Variants in MEIS1 observed in about 807,000 individuals in gnomAD.
MEIS1 encodes the protein Meis homeobox 1.
A neutral mutation model predicts 50.8 loss-of-function variants in MEIS1; 5 were observed. That is an observed-to-expected ratio of 0.10 (90% CI 0.05 to 0.21). The LOEUF (loss-of-function observed/expected upper bound fraction) is 0.21, where lower values mean the gene tolerates loss of function less well. Ranked by LOEUF, MEIS1 falls within the 10% of genes least tolerant of loss-of-function variation. The pLI is 1.00. For synonymous variants in MEIS1, 176 were observed against 179.3 expected (o/e 0.98, Z 0.15); for missense variants, 318 against 517.3 (o/e 0.61, Z 3.74).
intron 8 of MEIS1, 73 bp from the exon 9 acceptor site, chr2:66,547,870 T>G: frequency 4.2e-6 from 6 of 1,434,152 alleles, no homozygotes; most frequent in Middle Eastern, 1.8e-4. Flanking sequence ...ATAGACTTCA[T>G]GAGACACTTA....
rs544534853 is a variant in MEIS1, at chr2:66,435,431, G to A, written c.-426G>A. On this transcript the variant is annotated 5_prime_UTR_variant, in exon 1 of 13. Coordinates refer to ENST00000272369, the MANE Select transcript of MEIS1 (RefSeq NM_002398.3). Reference sequence around the variant, plus strand: ...GGTGTTCTGACCAGAAGAAGACAGAGCGGATGATCATTCATTCACCACGTT... The same window carrying A: ...GGTGTTCTGACCAGAAGAAGACAGAACGGATGATCATTCATTCACCACGTT... 6.9e-6 allele frequency: 2 copies of A among 290,274 alleles called. No individual in the cohort carries two copies. The highest frequency in any genetic ancestry group is 1.3e-5 in the Non-Finnish European group (2 of 159,878). 18.0% of individuals were successfully genotyped at this position (290,274 alleles called of 1,614,324 possible). A position where few individuals can be genotyped will look rare whatever the true frequency, so the allele number is the denominator to read the frequency against.
At chr2:66,449,400 G>A (rs1363935459) in intron 6 of MEIS1, among the ~76,000 whole-genome samples, 1 of 152,050 alleles carries the variant, frequency 6.6e-6, no homozygotes, top group Admixed American at 6.6e-5. Context: ...TAAACCATGG[G>A]TGTCTAAAAT....
chr2:66,523,602 G>A (rs751226074), intron 8 of MEIS1, among the ~76,000 whole-genome samples: 2 of 152,178 alleles, frequency 1.3e-5, no homozygotes, highest in Non-Finnish European at 2.9e-5. Context: ...AAGTGAATAT[G>A]CTCAACAGCA....
At chr2:66,514,708 C>T (rs1220816604) in intron 8 of MEIS1, among the ~76,000 whole-genome samples, 1 of 152,154 alleles carries the variant, frequency 6.6e-6, no homozygotes, top group Non-Finnish European at 1.5e-5. Flanking sequence ...CTTATAACAT[C>T]ATCTGAAGAG....
chr2:66,518,032 C>G (rs564546746), intron 8 of MEIS1, among the ~76,000 whole-genome samples: 1 of 152,266 alleles, frequency 6.6e-6, no homozygotes, highest in South Asian at 2.1e-4. Context: ...CATTAGTGAC[C>G]TGGCAAAGCT....
intron 7 of MEIS1, among the ~76,000 whole-genome samples, chr2:66,501,452 T>TA (rs575839058): frequency 1.0e-3 from 153 of 148,312 alleles, no homozygotes; most frequent in African/African-American, 1.4e-3. Context: ...CATTTAGTTG[T>TA]AAAAAAAAAA....
At chr2:66,542,416 T>C (rs921655024) in intron 8 of MEIS1, among the ~76,000 whole-genome samples, 2 of 152,228 alleles carry the variant, frequency 1.3e-5, no homozygotes, top group Non-Finnish European at 2.9e-5. Flanking sequence ...AAAGAAGTTC[T>C]GAAATTGTTC....
chr2:66,442,715 T>C, intron 5 of MEIS1, 187 bp from the exon 6 acceptor site: 1 of 538,288 alleles, frequency 1.9e-6, no homozygotes, highest in Non-Finnish European at 3.2e-6. Context: ...TTCTGGGATA[T>C]CTCTATTTTG....
intron 7 of MEIS1, among the ~76,000 whole-genome samples, chr2:66,502,614 G>A (rs547818276): frequency 5.3e-5 from 8 of 152,270 alleles, no homozygotes; most frequent in Admixed American, 1.3e-4. Context: ...GTTGGGAGAC[G>A]AAGAGGGTCA....
intron 6 of MEIS1, among the ~76,000 whole-genome samples, chr2:66,448,302 A>G (rs1185697933): frequency 1.3e-5 from 2 of 152,198 alleles, no homozygotes; most frequent in Non-Finnish European, 2.9e-5. Flanking sequence ...GTCCCAAAAG[A>G]TTTAAAACAC....
intron 8 of MEIS1, among the ~76,000 whole-genome samples, chr2:66,514,840 T>A (rs867079741): frequency 6.6e-5 from 10 of 152,208 alleles, no homozygotes; most frequent in Admixed American, 5.9e-4. Flanking sequence ...CCCGTTACCC[T>A]TGTTTTGTAA....
At chr2:66,534,886 A>G (rs933309723) in intron 8 of MEIS1, among the ~76,000 whole-genome samples, 2 of 152,256 alleles carry the variant, frequency 1.3e-5, no homozygotes, top group African/African-American at 4.8e-5. Context: ...TCACTATTTA[A>G]GACTTTTTGG....
chr2:66,555,572 A>G (rs1245184200), intron 9 of MEIS1, among the ~76,000 whole-genome samples: 1 of 152,178 alleles, frequency 6.6e-6, no homozygotes, highest in Non-Finnish European at 1.5e-5. Flanking sequence ...GTTTAGGTCT[A>G]TTCTTGTCAA....
intron 7 of MEIS1, among the ~76,000 whole-genome samples, chr2:66,479,852 G>A (rs905174368): frequency 1.3e-5 from 2 of 152,088 alleles, no homozygotes; most frequent in East Asian, 1.9e-4. Context: ...AGTAAGGCTC[G>A]GTAACCTGCC....
chr2:66,513,355 C>T (rs1673878689), intron 8 of MEIS1, among the ~76,000 whole-genome samples: 1 of 152,054 alleles, frequency 6.6e-6, no homozygotes, highest in Admixed American at 6.6e-5. Context: ...TAAAGTTAAT[C>T]TTGCATTGTC....
chr2:66,494,381 G>A (rs972222066), intron 7 of MEIS1, among the ~76,000 whole-genome samples: 1 of 152,100 alleles, frequency 6.6e-6, no homozygotes, highest in African/African-American at 2.4e-5. Flanking sequence ...TAAAGGCAAA[G>A]GTATTTTTCT....
At chr2:66,472,468 G>A (rs984559778) in intron 7 of MEIS1, among the ~76,000 whole-genome samples, 1 of 152,216 alleles carries the variant, frequency 6.6e-6, no homozygotes, top group African/African-American at 2.4e-5. Flanking sequence ...CAGGTACTCT[G>A]TGTGAGCTAT....
At chr2:66,507,281 C>G (rs1673706183) in intron 7 of MEIS1, among the ~76,000 whole-genome samples, 1 of 152,046 alleles carries the variant, frequency 6.6e-6, no homozygotes. Flanking sequence ...AAACACTGTT[C>G]CTAAACACTG....
intron 7 of MEIS1, among the ~76,000 whole-genome samples, chr2:66,469,673 C>T (rs933473527): frequency 6.6e-6 from 1 of 152,116 alleles, no homozygotes; most frequent in Admixed American, 6.5e-5. Context: ...CTGCAGTTCC[C>T]CTTGACCTTT....
Sources: allele counts gnomAD v4.1 joint callset (sites outside exome capture counted in the v4.1 genomes callset), GRCh38; gene constraint gnomAD v4.1.1; transcripts MANE v1.5; gene names NCBI Gene and HGNC (gene_info 2026-07-23, HGNC 2026-07-21).